The following APPBP2 variants were observed in gnomAD, a reference collection of about 807,000 sequenced individuals.
APPBP2 encodes the protein amyloid beta precursor protein binding protein 2.
Under a neutral mutation model 76.0 loss-of-function variants are expected in APPBP2, and 15 were observed. The observed-to-expected ratio is 0.20, with a 90% CI of 0.13 to 0.30. The LOEUF (loss-of-function observed/expected upper bound fraction) is 0.30. Ranked by LOEUF, APPBP2 falls within the 10% of genes least tolerant of loss-of-function variation. The probability of loss-of-function intolerance (pLI) is 1.00; values close to 1 mark genes in which losing one functional copy is unlikely to be tolerated. For missense variants in APPBP2, 401 were observed against 687.2 expected, an observed-to-expected ratio of 0.58 and a Z score of 4.66; for synonymous variants, 222 against 242.2, an observed-to-expected ratio of 0.92 and a Z score of 0.77.
rs555527872 is a variant in APPBP2 at position 60,503,198 on chromosome 17, C to T, written c.139-2711G>A. Among the ~76,000 whole-genome samples, 14 of 142,792 alleles carry T rather than the reference C, an allele frequency of 9.8e-5. No homozygotes were observed. The South Asian group carries it at 2.8e-3, about 28-fold the overall frequency. 93.7% of individuals were successfully genotyped at this position (142,792 alleles called of 152,430 possible). ...CAGGTAATTTTTGTATTTTTAGTGG[C>T]GACAAGGTTTCAACATGTTAGCCAG... On this transcript the variant is annotated intron_variant, in intron 1 of 12. Transcript: ENST00000083182.
At chr17:60,448,486 A>G (rs182668295) in intron 12 of APPBP2, among the ~76,000 whole-genome samples, 6 of 152,314 alleles carry the variant, frequency 3.9e-5, no homozygotes, top group Non-Finnish European at 8.8e-5. Context: ...AACAAATGAA[A>G]AACCAAAACA....
chr17:60,473,039 C>T (rs781315360), intron 4 of APPBP2, among the ~76,000 whole-genome samples: 1 of 152,092 alleles, frequency 6.6e-6, no homozygotes, highest in Non-Finnish European at 1.5e-5. Flanking sequence ...TTTTAACCCT[C>T]TTGGTAACTG....
chr17:60,488,858 G>C (rs539575102), intron 3 of APPBP2, among the ~76,000 whole-genome samples: 4 of 152,260 alleles, frequency 2.6e-5, no homozygotes, highest in African/African-American at 7.2e-5. Flanking sequence ...CATTAGTCAA[G>C]ATCACAAGTT....
chr17:60,495,563 G>C lies in APPBP2; in HGVS notation c.228-946C>G, dbSNP rs143969127. ...CATAGCTCACTGTAGCCTTGAACTG[G>C]TCTCAATTAAGATCCTCCTGCTTCA... On this transcript the variant is annotated intron_variant, in intron 2 of 12. Coordinates refer to ENST00000083182, the MANE Select transcript of APPBP2 (RefSeq NM_006380.5). Among the ~76,000 whole-genome samples, 365 of 151,816 alleles carry C rather than the reference G, an allele frequency of 2.4e-3. 2 individuals are homozygous for C. The highest frequency in any genetic ancestry group is 8.4e-3 in the African/African-American group (346 of 41,414).
intron 10 of APPBP2, among the ~76,000 whole-genome samples, chr17:60,454,805 A>C (rs921684784): frequency 1.3e-5 from 2 of 152,190 alleles, no homozygotes; most frequent in Non-Finnish European, 2.9e-5. Context: ...AATTAAACGG[A>C]AGCACAAGGC....
chr17:60,512,638 C>A (rs2090923851), intron 1 of APPBP2, among the ~76,000 whole-genome samples: 1 of 151,020 alleles, frequency 6.6e-6, no homozygotes, highest in African/African-American at 2.4e-5. Flanking sequence ...AGTTCAAGAC[C>A]AGACTGGCCA....
intron 9 of APPBP2, among the ~76,000 whole-genome samples, chr17:60,458,222 T>G (rs1191021900): frequency 6.6e-6 from 1 of 152,074 alleles, no homozygotes; most frequent in African/African-American, 2.4e-5. Context: ...TCACTTGAGG[T>G]CAGGAGATCG....
In APPBP2 at chr17:60,454,000, T is replaced by C. The variant is rs534003493; in HGVS notation, c.1338+302A>G. ...CATCCTCCTGCCTTAGTCTTCCAAG[T>C]AGGTAGGAAGACAGGCATGTGCCAC... On this transcript the variant is annotated intron_variant, in intron 11 of 12. Coordinates refer to ENST00000083182, the MANE Select transcript of APPBP2 (RefSeq NM_006380.5). Among the ~76,000 whole-genome samples the C allele has an allele frequency of 2.4e-4, 37 of 152,252 alleles. No individual in the cohort carries two copies. In the East Asian group the frequency reaches 6.4e-3, roughly 26 times the overall value.
intron 1 of APPBP2, among the ~76,000 whole-genome samples, chr17:60,520,570 T>TAAAAAAA (rs781626784): frequency 1.0e-5 from 1 of 99,866 alleles, no homozygotes; most frequent in Non-Finnish European, 1.8e-5. Context: ...AAGACTCTGT[T>TAAAAAAA]AAAAAAAAAA....
At chr17:60,465,247 G>C (rs1009269544) in intron 5 of APPBP2, 8 of 152,164 alleles carry the variant, frequency 5.3e-5, no homozygotes, top group African/African-American at 1.9e-4. Context: ...CAAAGCGTAG[G>C]TATAATGTTA....
chr17:60,507,725 T>C (rs1331293120), intron 1 of APPBP2, among the ~76,000 whole-genome samples: 2 of 152,202 alleles, frequency 1.3e-5, no homozygotes, highest in Non-Finnish European at 2.9e-5. Flanking sequence ...GTAAATTTGA[T>C]ACTTTGGGAA....
intron 12 of APPBP2, among the ~76,000 whole-genome samples, chr17:60,449,309 T>C (rs1653519695): frequency 6.6e-6 from 1 of 152,124 alleles, no homozygotes; most frequent in South Asian, 2.1e-4. Context: ...AAGAGTCTTT[T>C]GGCCAGGAGC....
intron 2 of APPBP2, among the ~76,000 whole-genome samples, chr17:60,499,111 A>G (rs2090800627): frequency 6.6e-6 from 1 of 152,124 alleles, no homozygotes; most frequent in Non-Finnish European, 1.5e-5. Context: ...CAAGAGGATC[A>G]CTTGAGCCCA....
intron 9 of APPBP2, among the ~76,000 whole-genome samples, chr17:60,456,760 T>C (rs1430566143): frequency 6.6e-6 from 1 of 152,082 alleles, no homozygotes; most frequent in African/African-American, 2.4e-5. Flanking sequence ...GCTTTACCCT[T>C]TCTATAATGC....
chr17:60,475,229 A>G (rs969295168), intron 4 of APPBP2, among the ~76,000 whole-genome samples: 2 of 151,868 alleles, frequency 1.3e-5, no homozygotes, highest in African/African-American at 4.9e-5. Flanking sequence ...CCATCTCAAA[A>G]AAAACAAAAA....
At chr17:60,508,502 A>C (rs562094801) in intron 1 of APPBP2, among the ~76,000 whole-genome samples, 1 of 152,340 alleles carries the variant, frequency 6.6e-6, no homozygotes, top group Admixed American at 6.5e-5. Context: ...GCAGCTAGGA[A>C]AGAAGGAAAA....
chr17:60,507,773 A>G (rs185612537), intron 1 of APPBP2, among the ~76,000 whole-genome samples: 3 of 152,238 alleles, frequency 2.0e-5, no homozygotes, highest in Admixed American at 6.5e-5. Flanking sequence ...TGCCTCTCCA[A>G]TCAGACTATA....
At chr17:60,515,095 C>T (rs952170565) in intron 1 of APPBP2, among the ~76,000 whole-genome samples, 7 of 150,616 alleles carry the variant, frequency 4.6e-5, no homozygotes, top group East Asian at 1.9e-4. Flanking sequence ...TCAACCACTG[C>T]GCCTGGCCTA....
At chr17:60,463,968 T>C in intron 6 of APPBP2, 53 bp downstream of exon 6, 1 of 1,327,404 alleles carries the variant, frequency 7.5e-7, no homozygotes, top group Admixed American at 2.1e-5. Context: ...TAAAACAAAC[T>C]TAAAGCCTGA....
Sources: allele counts gnomAD v4.1 joint callset (sites outside exome capture counted in the v4.1 genomes callset), GRCh38; gene constraint gnomAD v4.1.1; transcripts MANE v1.5; gene names NCBI Gene and HGNC (gene_info 2026-07-23, HGNC 2026-07-21).